RBFOX3: variants seen among roughly 807,000 people sequenced by gnomAD.
RBFOX3 encodes the protein RNA binding protein fox-1 homolog 3.
In RBFOX3, 17 loss-of-function variants were observed where a neutral mutation model predicts 48.7. The ratio of observed to expected loss-of-function variants is 0.35; its 90% CI spans 0.24 to 0.52. The LOEUF (loss-of-function observed/expected upper bound fraction) is 0.52. Ranked by LOEUF, RBFOX3 falls within the 20% of genes least tolerant of loss-of-function variation. RBFOX3 has a pLI of 0.94. For synonymous variants in RBFOX3, 212 were observed against 209.5 expected (o/e 1.01, Z -0.10); for missense variants, 382 against 497.5 (o/e 0.77, Z 2.21).
chr17:79,227,642 T>C lies in RBFOX3; in HGVS notation c.-34+8124A>G, dbSNP rs2060472259. Among the ~76,000 whole-genome samples, 3 of 152,168 alleles carry C rather than the reference T, an allele frequency of 2.0e-5. No individual in the cohort carries two copies. In the South Asian group the frequency reaches 6.2e-4, roughly 32 times the overall value. ...CTGGCGGCGGTTACTCACTCTTCCA[T>C]GGCTTATAACTGGAGCACATGTGAT... On this transcript the variant is annotated intron_variant, in intron 4 of 14. Coordinates refer to ENST00000693108, the MANE Select transcript of RBFOX3 (RefSeq NM_001350451.2).
At chr17:79,574,404 G>A (rs994054103) in intron 1 of RBFOX3, among the ~76,000 whole-genome samples, 6 of 152,138 alleles carry the variant, frequency 3.9e-5, no homozygotes, top group Non-Finnish European at 7.4e-5. Flanking sequence ...CCAAGATGGC[G>A]ATCAAAGTGA....
At chr17:79,297,085 A>T (rs1340067521) in intron 3 of RBFOX3, among the ~76,000 whole-genome samples, 2 of 149,936 alleles carry the variant, frequency 1.3e-5, no homozygotes, top group Non-Finnish European at 3.0e-5. Context: ...GTGTGCGTTC[A>T]TTTTCTTAAA....
At chr17:79,402,152 G>T (rs74000039) in intron 2 of RBFOX3, among the ~76,000 whole-genome samples, 1 of 152,234 alleles carries the variant, frequency 6.6e-6, no homozygotes, top group South Asian at 2.1e-4. Context: ...GAGAAAAGGG[G>T]TCTCTGGAGA....
In RBFOX3 at chr17:79,254,699, C is replaced by T. The variant is rs2064489468; in HGVS notation, c.-73-18894G>A. Among the ~76,000 whole-genome samples, 1 of 152,156 alleles carries T rather than the reference C, an allele frequency of 6.6e-6. No individual in the cohort carries two copies. The highest frequency in any genetic ancestry group is 2.4e-5 in the African/African-American group (1 of 41,426). ...GTATACTTGCCCCTCCATGCAGTGT[C>T]AGTCCAGGCTGTGAAAAACCCGCCC... On this transcript the variant is annotated intron_variant, in intron 3 of 14. Coordinates refer to ENST00000693108, the MANE Select transcript of RBFOX3 (RefSeq NM_001350451.2). The surrounding 1 kb of genome is among the most constrained non-coding windows in gnomAD (Gnocchi z 4.8).
At chr17:79,619,488 T>C in the RBFOX3 span, among the ~76,000 whole-genome samples, 1 of 152,212 alleles carries the variant, frequency 6.6e-6, no homozygotes, top group Non-Finnish European at 1.5e-5. Flanking sequence ...TCTGTCTTCA[T>C]GCAGCCTTCT....
chr17:79,302,664 AAAG>A (rs2075502415), intron 3 of RBFOX3, among the ~76,000 whole-genome samples: 1 of 152,174 alleles, frequency 6.6e-6, no homozygotes, highest in Non-Finnish European at 1.5e-5. Flanking sequence ...TCTCAAAAGA[AAAG>A]AAAAAAAATA....
At chr17:79,197,353 A>G (rs2055821124) in intron 4 of RBFOX3, among the ~76,000 whole-genome samples, 1 of 150,364 alleles carries the variant, frequency 6.7e-6, no homozygotes, top group African/African-American at 2.4e-5. Flanking sequence ...TCTGGGACAA[A>G]CCAGGAAACA....
intron 1 of RBFOX3, among the ~76,000 whole-genome samples, chr17:79,487,482 C>A (rs1004624929): frequency 6.6e-6 from 1 of 152,208 alleles, no homozygotes; most frequent in Admixed American, 6.5e-5. Flanking sequence ...CTGGCCGAAT[C>A]ACCATCATCA....
rs1432867515 is a variant in RBFOX3, at chr17:79,252,996, G to T, written c.-73-17191C>A. On this transcript the variant is annotated intron_variant, in intron 3 of 14. Coordinates refer to ENST00000693108, the MANE Select transcript of RBFOX3 (RefSeq NM_001350451.2). The surrounding 1 kb of genome is among the most constrained non-coding windows in gnomAD (Gnocchi z 4.0). The stretch of plus-strand genomic sequence containing the variant: ...TCAAGTCCCTCTCTGAGCAGCCTCT[G>T]CTTCCCAGATGGAGCCTCTGGCCCT... Among the ~76,000 whole-genome samples the T allele has an allele frequency of 2.0e-5, 3 of 152,112 alleles. No individual in the cohort carries two copies. The highest frequency in any genetic ancestry group is 7.2e-5 in the African/African-American group (3 of 41,420).
At chr17:79,373,651 G>A (rs2058845524) in intron 2 of RBFOX3, among the ~76,000 whole-genome samples, 1 of 152,046 alleles carries the variant, frequency 6.6e-6, no homozygotes, top group South Asian at 2.1e-4. Context: ...TGGGGTGCCA[G>A]CATCATTTTT....
At chr17:79,641,307 T>A in the RBFOX3 span, among the ~76,000 whole-genome samples, 2 of 152,290 alleles carry the variant, frequency 1.3e-5, no homozygotes, top group Admixed American at 6.5e-5. Flanking sequence ...ATAACAAGTA[T>A]GGGCAAGGAT....
At chr17:79,097,066 A>G (rs1245337206) in intron 11 of RBFOX3, among the ~76,000 whole-genome samples, 2 of 151,962 alleles carry the variant, frequency 1.3e-5, no homozygotes, top group African/African-American at 4.8e-5. Context: ...TGGGGCTCTG[A>G]ATGTCCCCCT....
chr17:79,114,523 A>G (rs2033234084), intron 5 of RBFOX3, among the ~76,000 whole-genome samples: 2 of 152,296 alleles, frequency 1.3e-5, no homozygotes, highest in East Asian at 3.9e-4. Flanking sequence ...CCACACATGC[A>G]CCGGGGGAAG....
At chr17:79,121,619 C>T (rs919546999) in intron 4 of RBFOX3, among the ~76,000 whole-genome samples, 3 of 152,180 alleles carry the variant, frequency 2.0e-5, no homozygotes, top group Non-Finnish European at 2.9e-5. Flanking sequence ...GGTCTGGGCC[C>T]TCAGCAGCAT....
At chr17:79,227,863 T>C (rs763066312) in intron 4 of RBFOX3, among the ~76,000 whole-genome samples, 18 of 152,198 alleles carry the variant, frequency 1.2e-4, no homozygotes, top group Non-Finnish European at 1.9e-4. Context: ...AGCCATCACA[T>C]TGCATGGACC....
intron 3 of RBFOX3, among the ~76,000 whole-genome samples, chr17:79,293,435 CCTT>C (rs2073766105): frequency 7.9e-5 from 5 of 62,926 alleles, no homozygotes; most frequent in East Asian, 4.8e-4. Flanking sequence ...TTCCTTCCTT[CCTT>C]CCTTCCTTCC....
At chr17:79,474,795 C>T (rs2077495481) in intron 2 of RBFOX3, among the ~76,000 whole-genome samples, 2 of 152,280 alleles carry the variant, frequency 1.3e-5, no homozygotes, top group South Asian at 2.1e-4. Flanking sequence ...CCACCAGAGC[C>T]CCACGCATCA....
chr17:79,547,744 G>A (rs1555792373), intron 1 of RBFOX3, among the ~76,000 whole-genome samples: 1 of 152,230 alleles, frequency 6.6e-6, no homozygotes, highest in African/African-American at 2.4e-5. Flanking sequence ...GGCTGGGGGA[G>A]GACGCGGGAC....
At chr17:79,520,828 A>G (rs1381957602) in intron 1 of RBFOX3, among the ~76,000 whole-genome samples, 1 of 152,164 alleles carries the variant, frequency 6.6e-6, no homozygotes, top group Non-Finnish European at 1.5e-5. Context: ...ACTCGCACAC[A>G]GCTTCCAGAC....
Sources: gnomAD v4.1 joint callset for allele counts (sites outside exome capture counted in the v4.1 genomes callset) on GRCh38, gnomAD v4.1.1 for gene constraint, Gnocchi (gnomAD v3.1) non-coding constraint, MANE v1.5 for transcripts, NCBI Gene and HGNC (gene_info 2026-07-23, HGNC 2026-07-21) for gene names.